Variants in USP28 observed in about 807,000 individuals in gnomAD.
USP28 encodes ubiquitin carboxyl-terminal hydrolase 28.
USP28 carries 113 observed loss-of-function variants against 145.0 expected under a neutral mutation model. The ratio of observed to expected loss-of-function variants is 0.78; its 90% CI spans 0.67 to 0.91. The LOEUF (loss-of-function observed/expected upper bound fraction) is 0.91. USP28 is among the 40% of genes least tolerant of loss of function. The probability of loss-of-function intolerance (pLI) is 0.00; values close to 1 mark genes in which losing one functional copy is unlikely to be tolerated. For synonymous variants in USP28, 447 were observed against 450.9 expected (o/e 0.99, Z 0.11); for missense variants, 1,201 against 1,289.6 (o/e 0.93, Z 1.05).
exon 20 of USP28, chr11:113,804,963 G>T (rs1939686327): frequency 6.2e-7 from 1 of 1,614,122 alleles, no homozygotes; most frequent in Non-Finnish European, 8.5e-7. Flanking sequence ...AGTAGACAAG[G>T]ACATGCTGAA....
chr11:113,835,477 T>C, intron 5 of USP28: 1 of 395,082 alleles, frequency 2.5e-6, no homozygotes, highest in South Asian at 1.9e-5. Context: ...CTGGCTTCCC[T>C]CACTCTAACA....
chr11:113,809,077 T>A (rs538292215), exon 17 of USP28: 4 of 1,613,840 alleles, frequency 2.5e-6, no homozygotes, highest in Non-Finnish European at 3.4e-6. Flanking sequence ...TGATGTAGAG[T>A]AGTCCTGTGA....
At chr11:113,864,149 GAGAATCCC>G (rs1279292708) in intron 1 of USP28, among the ~76,000 whole-genome samples, 14 of 151,864 alleles carry the variant, frequency 9.2e-5, no homozygotes, top group Admixed American at 9.2e-4. Flanking sequence ...GCTGAGGCGG[GAGAATCCC>G]TTGAACTCCA....
Position 113,812,290 on chromosome 11 carries a change from GGTAGTTT to G in USP28, c.1951_1957del (p.Lys651ProfsTer40). 1 of 1,613,734 alleles carries G rather than the reference GGTAGTTT, an allele frequency of 6.2e-7. No homozygotes were observed. On this transcript the variant is annotated frameshift_variant, in exon 16 of 25. Transcript: ENST00000003302. LOFTEE classifies it high-confidence loss of function. ...GATACTTTTACCTGCATTGAAGTAGGGTAGTTTGTCATTAATGTACATCAGACAGTAA... is the reference window on the plus strand; with the variant it reads ...GATACTTTTACCTGCATTGAAGTAGGGTCATTAATGTACATCAGACAGTAA...
At chr11:113,805,886 A>T (rs1268085410) in intron 19 of USP28, among the ~76,000 whole-genome samples, 3 of 152,178 alleles carry the variant, frequency 2.0e-5, no homozygotes. Flanking sequence ...CTTGTTCATC[A>T]GTTGGACAGG....
At chr11:113,840,865 G>C (rs1031457630) in intron 4 of USP28, 108 bp from the exon 5 acceptor site, 4 of 1,316,434 alleles carry the variant, frequency 3.0e-6, no homozygotes, top group South Asian at 3.3e-5. Flanking sequence ...ACCAGAAAAA[G>C]TATTTACTGG....
chr11:113,834,411 ATATTT>A (rs1465019773), intron 5 of USP28, 76 bp from the exon 6 acceptor site: 3 of 1,001,602 alleles, frequency 3.0e-6, no homozygotes, highest in Non-Finnish European at 1.4e-6. Context: ...TTCACTTCAA[ATATTT>A]TATTTCATAT....
intron 1 of USP28, among the ~76,000 whole-genome samples, 153 bp from the exon 2 acceptor site, chr11:113,854,488 G>A (rs1157644820): frequency 1.3e-5 from 2 of 152,170 alleles, no homozygotes; most frequent in South Asian, 2.1e-4. Flanking sequence ...TGCAACCTCC[G>A]CCTCCCAGGT....
chr11:113,799,132 T>G, exon 25 of USP28: 1 of 1,272,142 alleles, frequency 7.9e-7, no homozygotes, highest in Non-Finnish European at 1.1e-6. Context: ...CTGATCGGAA[T>G]CTTATGTGCC....
intron 3 of USP28, among the ~76,000 whole-genome samples, 167 bp from the exon 4 acceptor site, chr11:113,841,935 A>C (rs1248973871): frequency 6.6e-6 from 1 of 152,224 alleles, no homozygotes; most frequent in Admixed American, 6.5e-5. Context: ...CTTCGGCTAC[A>C]CTGTAACCTT....
At chr11:113,825,763 A>C (rs945477220) in intron 11 of USP28, among the ~76,000 whole-genome samples, 1 of 152,248 alleles carries the variant, frequency 6.6e-6, no homozygotes, top group Non-Finnish European at 1.5e-5. Context: ...TATTAATGTT[A>C]CTAATGCCAC....
At chr11:113,858,783 T>C (rs1483060995) in intron 1 of USP28, among the ~76,000 whole-genome samples, 2 of 152,146 alleles carry the variant, frequency 1.3e-5, no homozygotes, top group Admixed American at 6.5e-5. Flanking sequence ...CTAATTTTTG[T>C]ATTTTTAGTA....
chr11:113,873,654 A>G (rs937803370), intron 1 of USP28, among the ~76,000 whole-genome samples: 3 of 152,216 alleles, frequency 2.0e-5, no homozygotes, highest in Non-Finnish European at 4.4e-5. Context: ...ATAGTCTCCA[A>G]ACTAAAATTT....
chr11:113,838,993 C>T (rs1270425417), intron 5 of USP28, among the ~76,000 whole-genome samples: 2 of 152,204 alleles, frequency 1.3e-5, no homozygotes, highest in Admixed American at 6.5e-5. Flanking sequence ...GTTTAAGATG[C>T]CTGATCGATA....
intron 23 of USP28, 52 bp downstream of exon 24, chr11:113,803,106 G>T: frequency 6.6e-7 from 1 of 1,526,620 alleles, no homozygotes; most frequent in South Asian, 1.3e-5. Context: ...CTGGCTTCAA[G>T]GAGCAGAGGT....
intron 11 of USP28, among the ~76,000 whole-genome samples, chr11:113,826,765 T>C (rs1328189606): frequency 1.3e-5 from 2 of 151,304 alleles, no homozygotes; most frequent in African/African-American, 4.9e-5. Context: ...ACTAAAAATA[T>C]AAAATTAGCC....
At chr11:113,802,810 A>G (rs1158195927) in intron 23 of USP28, among the ~76,000 whole-genome samples, 1 of 152,220 alleles carries the variant, frequency 6.6e-6, no homozygotes, top group Non-Finnish European at 1.5e-5. Flanking sequence ...TTCCTACATG[A>G]CAGGCACAGA....
intron 1 of USP28, among the ~76,000 whole-genome samples, chr11:113,869,342 T>A (rs1385211286): frequency 6.6e-6 from 1 of 152,238 alleles, no homozygotes; most frequent in Non-Finnish European, 1.5e-5. Flanking sequence ...GGCAGAAGAA[T>A]CAATAGAACC....
chr11:113,808,057 T>C, intron 18 of USP28: 2 of 1,348,232 alleles, frequency 1.5e-6, no homozygotes, highest in Non-Finnish European at 1.9e-6. Flanking sequence ...CTCTGCATCA[T>C]TAGCCTTTGG....
Sources: gnomAD v4.1 joint callset for allele counts (sites outside exome capture counted in the v4.1 genomes callset) on GRCh38, gnomAD v4.1.1 for gene constraint, MANE v1.5 for transcripts, NCBI Gene and HGNC (gene_info 2026-07-23, HGNC 2026-07-21) for gene names.